The following EXOSC1 variants were observed in gnomAD, a reference collection of about 807,000 sequenced individuals.
EXOSC1 encodes the protein exosome component 1.
A neutral mutation model predicts 31.4 loss-of-function variants in EXOSC1; 27 were observed. That is an observed-to-expected ratio of 0.86 (90% CI 0.63 to 1.18). EXOSC1 has a LOEUF of 1.18. Among genes scored for constraint, EXOSC1 ranks in the 50% most tolerant of loss-of-function variants. EXOSC1 has a pLI of 0.00. For synonymous variants in EXOSC1, 84 were observed against 89.5 expected, an observed-to-expected ratio of 0.94 and a Z score of 0.35; for missense variants, 228 against 250.3, an observed-to-expected ratio of 0.91 and a Z score of 0.60.
Position 97,435,992 on chromosome 10 carries a change from A to C in EXOSC1, c.*453T>G, listed in dbSNP as rs1363835818. 1 of 165,666 alleles carries C rather than the reference A, an allele frequency of 6.0e-6. No homozygotes were observed. Among genetic ancestry groups the C allele is most frequent in the African/African-American group, 2.4e-5 (1 of 41,478 alleles). The allele number at this position is 165,666 out of a possible 1,614,324, so 10.3% of individuals were successfully genotyped here. On this transcript the variant is annotated 3_prime_UTR_variant, in exon 8 of 8. Transcript: ENST00000370902. ...TATCACCACGTGTCCTCAAATTTTC[A>C]TTAAATCACAATGTACCTAAATGAA...
Position 97,445,837 on chromosome 10 carries a change from C to T in EXOSC1, c.42G>A (p.Leu14=). ...CCGGGCTGCCCTCCTCCAAGTTACA[C>T]AGACGTTCGCCTGCAGAAAAAATGC... ...PVRYCIPGER[L]CNLEEGSPGS... The change falls in exon 2 of 8, where the codon CTG becomes CTA. Residue 14 remains leucine, a synonymous_variant. Coordinates refer to ENST00000370902, the MANE Select transcript of EXOSC1 (RefSeq NM_016046.5). 1 of 1,613,960 alleles carries T rather than the reference C, an allele frequency of 6.2e-7. No homozygotes were observed. Among genetic ancestry groups the T allele is most frequent in the South Asian group, 1.1e-5 (1 of 91,080 alleles).
At chr10:97,438,164 A>G (rs1327758547) in intron 5 of EXOSC1, among the ~76,000 whole-genome samples, 2 of 151,808 alleles carry the variant, frequency 1.3e-5, no homozygotes, top group Non-Finnish European at 2.9e-5. Flanking sequence ...TGATCCGCCC[A>G]CCTTGGCCTC....
intron 3 of EXOSC1, among the ~76,000 whole-genome samples, chr10:97,442,869 C>A (rs1040275104): frequency 1.1e-3 from 163 of 152,232 alleles, no homozygotes; most frequent in African/African-American, 3.9e-3. Context: ...TTGGTAGAGA[C>A]AGGGTTTCAC....
chr10:97,445,692 A>T, intron 2 of EXOSC1, 40 bp downstream of exon 2: 2 of 1,594,338 alleles, frequency 1.3e-6, no homozygotes, highest in Non-Finnish European at 1.7e-6. Context: ...GGGCAGCCTA[A>T]GGGAAAAACA....
intron 4 of EXOSC1, 119 bp downstream of exon 4, chr10:97,441,052 G>T: frequency 1.3e-6 from 1 of 771,968 alleles, no homozygotes; most frequent in Non-Finnish European, 2.1e-6. Flanking sequence ...GCACAAAGAA[G>T]AAAGAAAAAC....
chr10:97,437,352 T>C lies in EXOSC1; in HGVS notation c.397-77A>G, dbSNP rs1315536270. On this transcript the variant is annotated intron_variant, in intron 6 of 7. Transcript: ENST00000370902. ...ACCTTAGCCACCTGAGTTGTTTTTC[T>C]ACCTTTTTTTTTTTCTGAGATGGAG... 1.3e-5 allele frequency: 15 copies of C among 1,187,610 alleles called. No individual in the cohort carries two copies. In the Admixed American group the frequency reaches 2.8e-4, roughly 22 times the overall value. The allele number at this position is 1,187,610 out of a possible 1,614,324, so 73.6% of individuals were successfully genotyped here.
intron 5 of EXOSC1, 35 bp from the exon 6 acceptor site, chr10:97,437,785 T>C (rs1845590003): frequency 5.1e-6 from 8 of 1,579,088 alleles, no homozygotes; most frequent in East Asian, 2.2e-5. Context: ...AAGTGAAAGC[T>C]CTAGACTGGG....
At chr10:97,438,841 T>C in intron 4 of EXOSC1, 138 bp from the exon 5 acceptor site, 1 of 664,186 alleles carries the variant, frequency 1.5e-6, no homozygotes, top group Admixed American at 2.4e-5. Context: ...AACCTCCGCC[T>C]CCTGGGTTCA....
intron 2 of EXOSC1, 63 bp from the exon 3 acceptor site, chr10:97,443,374 G>C: frequency 1.4e-6 from 2 of 1,393,820 alleles, no homozygotes; most frequent in Non-Finnish European, 2.0e-6. Context: ...GGCATTTGTG[G>C]CTTGAGAGTA....
intron 6 of EXOSC1, 42 bp from the exon 7 acceptor site, chr10:97,437,317 G>C: frequency 4.0e-6 from 6 of 1,498,036 alleles, no homozygotes; most frequent in Non-Finnish European, 5.6e-6. Context: ...GGAGTTAGAA[G>C]TCTTCCCCCA....
intron 4 of EXOSC1, 172 bp downstream of exon 4, chr10:97,440,999 G>A: frequency 1.9e-6 from 1 of 539,722 alleles, no homozygotes; most frequent in Non-Finnish European, 3.3e-6. Flanking sequence ...TTTTGTCCTA[G>A]ATCATCCATG....
At chr10:97,437,462 C>T (rs1020295600) in intron 6 of EXOSC1, among the ~76,000 whole-genome samples, 187 bp from the exon 7 acceptor site, 1 of 152,134 alleles carries the variant, frequency 6.6e-6, no homozygotes, top group East Asian at 1.9e-4. Flanking sequence ...GTTCTCCTGC[C>T]TCAGCTTCCC....
In EXOSC1 at chr10:97,436,350, G is replaced by T; in HGVS notation, c.*95C>A. On this transcript the variant is annotated 3_prime_UTR_variant, in exon 8 of 8. Coordinates refer to ENST00000370902, the MANE Select transcript of EXOSC1 (RefSeq NM_016046.5). ...CTGGAAGATTTTTCTGGAAGTGGCTGTTGGCCGACGCCAGGTGTTTGAATA... is the reference window on the plus strand; with the variant it reads ...CTGGAAGATTTTTCTGGAAGTGGCTTTTGGCCGACGCCAGGTGTTTGAATA... 2.2e-6 allele frequency: 2 copies of T among 892,338 alleles called. No homozygotes were observed. The highest frequency in any genetic ancestry group is 2.7e-5 in the East Asian group (1 of 37,696). The allele number at this position is 892,338 out of a possible 1,614,324, so 55.3% of individuals were successfully genotyped here.
chr10:97,437,617 G>C, intron 6 of EXOSC1, 83 bp downstream of exon 6: 1 of 1,339,750 alleles, frequency 7.5e-7, no homozygotes, highest in Non-Finnish European at 1.1e-6. Context: ...GAAAGTGCTG[G>C]GATTACAGGC....
In EXOSC1 at chr10:97,445,780, G is replaced by T. The variant is rs1224157197; in HGVS notation, c.99C>A (p.Ile33=). 1 of 1,613,948 alleles carries T rather than the reference G, an allele frequency of 6.2e-7. No homozygotes were observed. The highest frequency in any genetic ancestry group is 8.5e-7 in the Non-Finnish European group (1 of 1,179,926). The change falls in exon 2 of 8, where the codon ATC becomes ATA. Residue 33 remains isoleucine, a synonymous_variant. Coordinates refer to ENST00000370902, the MANE Select transcript of EXOSC1 (RefSeq NM_016046.5). The part of the protein sequence containing the change: ...GSGTYTRHGY[I]FSSLAGCLMK... ...TCAGACAGCCGGCAAGCGACGAAAA[G>T]ATGTAGCCGTGGCGGGTGTAGGTGC...
intron 4 of EXOSC1, among the ~76,000 whole-genome samples, chr10:97,439,452 C>G (rs1242634825): frequency 1.3e-5 from 2 of 152,142 alleles, no homozygotes; most frequent in Non-Finnish European, 2.9e-5. Context: ...GAAGTATGAA[C>G]CCTATTGTGA....
chr10:97,443,277 G>A lies in EXOSC1; in HGVS notation c.182C>T (p.Ser61Phe). ...AGCTCCCACATCTGGCAGTAACTGGGACTCTGTTTCTCTCACTACAGACAC... is the reference window on the plus strand; with the variant it reads ...AGCTCCCACATCTGGCAGTAACTGGAACTCTGTTTCTCTCACTACAGACAC... ...PVVSVVRETE[S>F]QLLPDVGAIV... Residue 61 changes from serine to phenylalanine, a missense_variant, in exon 3 of 8, where the codon TCC becomes TTC. Coordinates refer to ENST00000370902, the MANE Select transcript of EXOSC1 (RefSeq NM_016046.5). 2 of 1,614,140 alleles carry A rather than the reference G, an allele frequency of 1.2e-6. No individual in the cohort carries two copies. The highest frequency in any genetic ancestry group is 1.7e-6 in the Non-Finnish European group (2 of 1,180,004).
intron 2 of EXOSC1, chr10:97,444,692 A>C (rs1452600420): frequency 2.0e-5 from 3 of 152,260 alleles, no homozygotes; most frequent in Non-Finnish European, 4.4e-5. Context: ...AGGACTGTTA[A>C]GAACATTCCC....
At chr10:97,437,836 C>G in intron 5 of EXOSC1, 86 bp from the exon 6 acceptor site, 1 of 1,077,560 alleles carries the variant, frequency 9.3e-7, no homozygotes, top group South Asian at 1.3e-5. Context: ...AGCCAATCTA[C>G]TTTCTAATCC....
Sources: allele counts gnomAD v4.1 joint callset (sites outside exome capture counted in the v4.1 genomes callset), GRCh38; gene constraint gnomAD v4.1.1; transcripts MANE v1.5; gene names NCBI Gene and HGNC (gene_info 2026-07-23, HGNC 2026-07-21).